MYT1L: variants seen among roughly 807,000 people sequenced by gnomAD.
MYT1L encodes the protein myelin transcription factor 1 like, also known as myelin transcription factor 1-like protein.
MYT1L carries 12 observed loss-of-function variants against 126.7 expected under a neutral mutation model. The ratio of observed to expected loss-of-function variants is 0.09; its 90% CI spans 0.06 to 0.15. MYT1L has a LOEUF of 0.15. Among genes scored for constraint, MYT1L ranks in the 10% least tolerant of loss-of-function variants. The pLI, the probability that MYT1L is intolerant of heterozygous loss-of-function variation, is 1.00. For missense variants in MYT1L, 979 were observed against 1,585.2 expected, an observed-to-expected ratio of 0.62 and a Z score of 6.49; for synonymous variants, 541 against 604.2, an observed-to-expected ratio of 0.90 and a Z score of 1.53.
At chr2:2,038,718 C>G (rs995153460) in intron 4 of MYT1L, among the ~76,000 whole-genome samples, 2 of 152,004 alleles carry the variant, frequency 1.3e-5, no homozygotes, top group Non-Finnish European at 2.9e-5. Context: ...ATCCGAACTC[C>G]CTGGCATGTG....
intron 2 of MYT1L, among the ~76,000 whole-genome samples, chr2:2,203,813 A>C (rs2093189728): frequency 6.6e-6 from 1 of 152,186 alleles, no homozygotes; most frequent in African/African-American, 2.4e-5. Context: ...GTCAATCCTA[A>C]GCCAAAAGAA....
intron 4 of MYT1L, among the ~76,000 whole-genome samples, chr2:2,010,691 A>C (rs1042147330): frequency 5.9e-5 from 9 of 152,150 alleles, no homozygotes; most frequent in African/African-American, 1.7e-4. Flanking sequence ...TGTGAACTTT[A>C]AGATTCAGAA....
intron 3 of MYT1L, among the ~76,000 whole-genome samples, chr2:2,144,932 T>G (rs1452944941): frequency 6.6e-6 from 1 of 152,166 alleles, no homozygotes; most frequent in Non-Finnish European, 1.5e-5. Flanking sequence ...TTCTTATAAA[T>G]CTTCTCTGGA....
chr2:1,800,886 G>T (rs1436897041), intron 23 of MYT1L, among the ~76,000 whole-genome samples: 2 of 151,930 alleles, frequency 1.3e-5, no homozygotes, highest in Non-Finnish European at 2.9e-5. Context: ...CTGCTGGGGA[G>T]GGGCCAGAAT....
chr2:1,915,024 C>T (rs906161402), intron 11 of MYT1L, among the ~76,000 whole-genome samples: 8 of 151,970 alleles, frequency 5.3e-5, no homozygotes, highest in African/African-American at 1.5e-4. Context: ...TGCAGAGCCC[C>T]GGCCTCGTGC....
intron 3 of MYT1L, among the ~76,000 whole-genome samples, chr2:2,163,027 A>G (rs2088281412): frequency 6.6e-6 from 1 of 152,172 alleles, no homozygotes; most frequent in African/African-American, 2.4e-5. Flanking sequence ...TAGGTCTTCA[A>G]TGGAGATCAG....
In MYT1L at chr2:1,799,612, G is replaced by A. The variant is rs571573478; in HGVS notation, c.3276+2084C>T. 4.7e-4 allele frequency among the ~76,000 whole-genome samples: 72 copies of A among 152,336 alleles called. 2 individuals are homozygous for A. In the South Asian group the frequency reaches 0.015, roughly 31 times the overall value. ...CAGTAGACCATGGACTCAACACCCT[G>A]GACAGACAAGGGCATTCTGCCTCAT... On this transcript the variant is annotated intron_variant, in intron 23 of 24. Coordinates refer to ENST00000647738, the MANE Select transcript of MYT1L (RefSeq NM_001303052.2).
intron 2 of MYT1L, among the ~76,000 whole-genome samples, chr2:2,246,970 A>G (rs1203672441): frequency 1.3e-5 from 2 of 152,228 alleles, no homozygotes; most frequent in Non-Finnish European, 2.9e-5. Context: ...CGTAGACTTC[A>G]TAATGAGAAT....
chr2:1,950,277 G>T (rs1025288359), intron 8 of MYT1L, among the ~76,000 whole-genome samples: 2 of 152,074 alleles, frequency 1.3e-5, no homozygotes, highest in African/African-American at 2.4e-5. Flanking sequence ...CCATGGTAAG[G>T]ATCTCACTAA....
chr2:2,180,822 A>T (rs934193406), intron 2 of MYT1L, among the ~76,000 whole-genome samples: 2 of 135,802 alleles, frequency 1.5e-5, no homozygotes, highest in Admixed American at 7.3e-5. Flanking sequence ...ACCTGTGTGT[A>T]CCTGTGTGTG....
intron 3 of MYT1L, among the ~76,000 whole-genome samples, chr2:2,113,281 C>T (rs1025459992): frequency 9.9e-5 from 15 of 152,188 alleles, no homozygotes; most frequent in African/African-American, 3.6e-4. Context: ...CTCCAAGCTG[C>T]AAAACTTCCA....
chr2:2,253,198 G>C (rs533839629), intron 2 of MYT1L, among the ~76,000 whole-genome samples: 4 of 152,160 alleles, frequency 2.6e-5, no homozygotes, highest in Non-Finnish European at 5.9e-5. Flanking sequence ...CCTGTGAGCC[G>C]GAGCGGGCTC....
intron 14 of MYT1L, among the ~76,000 whole-genome samples, chr2:1,896,702 G>C (rs2049621630): frequency 6.6e-6 from 1 of 152,162 alleles, no homozygotes. Context: ...AGGGGAGTGG[G>C]TTGGAGAAAT....
chr2:1,990,894 T>TG (rs2061405922), intron 5 of MYT1L, among the ~76,000 whole-genome samples: 1 of 152,146 alleles, frequency 6.6e-6, no homozygotes, highest in Non-Finnish European at 1.5e-5. Context: ...TGGGATGTGT[T>TG]GGAACAGAGC....
At chr2:1,865,487 T>C (rs1016049951) in intron 18 of MYT1L, among the ~76,000 whole-genome samples, 1 of 152,226 alleles carries the variant, frequency 6.6e-6, no homozygotes, top group Non-Finnish European at 1.5e-5. Flanking sequence ...TTTCTGCATC[T>C]GTAAAATAGG....
intron 8 of MYT1L, among the ~76,000 whole-genome samples, chr2:1,967,933 G>C (rs1013583980): frequency 6.6e-6 from 1 of 152,168 alleles, no homozygotes; most frequent in Admixed American, 6.5e-5. Context: ...GGGAGCCTGG[G>C]AGGAGAGGAG....
chr2:1,860,644 A>G (rs1043435710), intron 18 of MYT1L, among the ~76,000 whole-genome samples: 4 of 152,160 alleles, frequency 2.6e-5, no homozygotes, highest in Non-Finnish European at 4.4e-5. Context: ...GGGCGGTGGG[A>G]TCCGGGATGA....
At chr2:2,290,589 T>G (rs1573225626) in intron 1 of MYT1L, among the ~76,000 whole-genome samples, 1 of 152,286 alleles carries the variant, frequency 6.6e-6, no homozygotes, top group South Asian at 2.1e-4. Context: ...GAACTACAGG[T>G]TAAAATGACA....
intron 4 of MYT1L, among the ~76,000 whole-genome samples, chr2:2,008,618 T>A (rs907725143): frequency 6.6e-6 from 1 of 152,212 alleles, no homozygotes; most frequent in East Asian, 1.9e-4. Flanking sequence ...ACTTTTTTTT[T>A]CCACTCTATA....
Sources: gnomAD v4.1 joint callset for allele counts (sites outside exome capture counted in the v4.1 genomes callset) on GRCh38, gnomAD v4.1.1 for gene constraint, MANE v1.5 for transcripts, NCBI Gene and HGNC (gene_info 2026-07-23, HGNC 2026-07-21) for gene names.